RAP1GAP2: variants seen among roughly 807,000 people sequenced by gnomAD.
The protein encoded by RAP1GAP2 is rap1 GTPase-activating protein 2.
In RAP1GAP2, 27 loss-of-function variants were observed where a neutral mutation model predicts 95.0. That is an observed-to-expected ratio of 0.28 (90% CI 0.21 to 0.39). RAP1GAP2 has a LOEUF of 0.39. RAP1GAP2 is among the 10% of genes least tolerant of loss of function. The probability of loss-of-function intolerance (pLI) is 1.00; values close to 1 mark genes in which losing one functional copy is unlikely to be tolerated. For missense variants in RAP1GAP2, 771 were observed against 970.0 expected, an observed-to-expected ratio of 0.79 and a Z score of 2.72; for synonymous variants, 373 against 380.9, an observed-to-expected ratio of 0.98 and a Z score of 0.24.
chr17:2,836,530 G>A (rs12051623), intron 2 of RAP1GAP2, among the ~76,000 whole-genome samples: 84,591 of 151,886 alleles, frequency 0.56, 23,742 homozygotes, highest in Admixed American at 0.61. Context: ...TCCTCAAAAG[G>A]CTGAGGTACG....
At chr17:3,017,719 C>T (rs538185624) in intron 17 of RAP1GAP2, among the ~76,000 whole-genome samples, 1 of 152,150 alleles carries the variant, frequency 6.6e-6, no homozygotes, top group African/African-American at 2.4e-5. Flanking sequence ...ACAGGCTTGG[C>T]GAGCTCCAAG....
chr17:2,920,246 C>T (rs1267845442), intron 3 of RAP1GAP2, among the ~76,000 whole-genome samples: 1 of 152,170 alleles, frequency 6.6e-6, no homozygotes, highest in Non-Finnish European at 1.5e-5. Flanking sequence ...CCCCTTTTCT[C>T]GTCGTGCTCT....
At chr17:2,816,236 G>GTTTT in intron 2 of RAP1GAP2, among the ~76,000 whole-genome samples, 1 of 145,238 alleles carries the variant, frequency 6.9e-6, no homozygotes, top group Non-Finnish European at 1.5e-5. Flanking sequence ...GTTTTGTTTT[G>GTTTT]TTTTTTTTTT....
chr17:2,899,149 C>G (rs1332538068), intron 2 of RAP1GAP2, among the ~76,000 whole-genome samples: 2 of 152,150 alleles, frequency 1.3e-5, no homozygotes, highest in East Asian at 3.8e-4. Flanking sequence ...GTTCTTCATT[C>G]CTTTTCTTTC....
intron 3 of RAP1GAP2, among the ~76,000 whole-genome samples, chr17:2,921,740 A>C (rs796834904): frequency 2.0e-5 from 1 of 50,012 alleles, no homozygotes. Context: ...TGTCAGCAGG[A>C]CCGTTAAGGT....
intron 18 of RAP1GAP2, among the ~76,000 whole-genome samples, chr17:3,019,703 G>A (rs1252324216): frequency 6.6e-6 from 1 of 152,194 alleles, no homozygotes; most frequent in Non-Finnish European, 1.5e-5. Flanking sequence ...GAAGGTGCAT[G>A]GCGTGAGCAG....
chr17:2,875,342 C>T (rs1035924577), intron 2 of RAP1GAP2, among the ~76,000 whole-genome samples: 2 of 152,114 alleles, frequency 1.3e-5, no homozygotes, highest in Admixed American at 6.5e-5. Context: ...GCTGGGATTA[C>T]AGGCATGAGC....
intron 1 of RAP1GAP2, among the ~76,000 whole-genome samples, chr17:2,767,239 G>T (rs952864682): frequency 5.3e-5 from 8 of 151,540 alleles, no homozygotes; most frequent in African/African-American, 1.9e-4. Context: ...ACAGATGCCT[G>T]TAATCCCAGC....
chr17:2,922,832 GTTTTTTT>G (rs1182641512), intron 3 of RAP1GAP2, among the ~76,000 whole-genome samples: 1 of 75,050 alleles, frequency 1.3e-5, no homozygotes, highest in African/African-American at 4.9e-5. Context: ...TTTTGTTTTT[GTTTTTTT>G]TTTTTTTTTT....
Position 2,797,701 on chromosome 17 carries a change from G to A in RAP1GAP2, c.44+1130G>A, listed in dbSNP as rs1052663575. On this transcript the variant is annotated intron_variant, in intron 1 of 24. Transcript: ENST00000254695. This position sits in a 1 kb window ranked among gnomAD's most constrained non-coding sequence, Gnocchi z 5.6. Reference sequence around the variant, plus strand: ...CCATGTTTGGCAGATGGGATGGTGCGGATGAGAAGATGGCACAGCGTCGCC... The same window carrying A: ...CCATGTTTGGCAGATGGGATGGTGCAGATGAGAAGATGGCACAGCGTCGCC... 7.8e-5 allele frequency: 77 copies of A among 985,282 alleles called. No individual in the cohort carries two copies. The highest frequency in any genetic ancestry group is 1.8e-4 in the Admixed American group (3 of 16,264). 61.0% of individuals were successfully genotyped at this position (985,282 alleles called of 1,614,324 possible).
chr17:2,987,203 C>T (rs189317077), intron 11 of RAP1GAP2, among the ~76,000 whole-genome samples: 1 of 152,134 alleles, frequency 6.6e-6, no homozygotes, highest in African/African-American at 2.4e-5. Flanking sequence ...TTCTAGAGTG[C>T]GGTGTTTCCC....
At chr17:2,952,418 C>T (rs1191060554) in intron 3 of RAP1GAP2, among the ~76,000 whole-genome samples, 1 of 152,176 alleles carries the variant, frequency 6.6e-6, no homozygotes, top group African/African-American at 2.4e-5. Context: ...GACAAACATC[C>T]TTGTACATGT....
intron 3 of RAP1GAP2, among the ~76,000 whole-genome samples, chr17:2,941,377 C>T (rs986700991): frequency 9.2e-5 from 14 of 152,080 alleles, no homozygotes; most frequent in African/African-American, 2.9e-4. Flanking sequence ...CGTTGCACTC[C>T]AGCCTGGGCA....
rs889886086 is a variant in RAP1GAP2, at chr17:3,007,089, G to A, written c.1360-922G>A. On this transcript the variant is annotated intron_variant, in intron 16 of 24. Transcript: ENST00000254695. ...TGATCTGGCATGGTAGACAGCATGA[G>A]CAAAGGTCAGGAAGAACCAGAGCCT... Among the ~76,000 whole-genome samples the A allele has an allele frequency of 7.2e-5, 11 of 152,126 alleles. No individual in the cohort carries two copies. In the East Asian group the frequency reaches 7.7e-4, roughly 11 times the overall value.
intron 2 of RAP1GAP2, among the ~76,000 whole-genome samples, chr17:2,884,059 G>A (rs1160544547): frequency 1.3e-5 from 2 of 152,224 alleles, no homozygotes; most frequent in African/African-American, 2.4e-5. Context: ...TTCTGGGCCA[G>A]TCGGGAATCT....
In RAP1GAP2 at chr17:2,903,433, T is replaced by C. The variant is rs968120072; in HGVS notation, c.81-1851T>C. On this transcript the variant is annotated intron_variant, in intron 2 of 24. Transcript: ENST00000254695. The surrounding 1 kb of genome is among the most constrained non-coding windows in gnomAD (Gnocchi z 4.1). ...CGGTGGTAATGTCCAAGGCCGTACA[T>C]AGAAGGAGGCTGGCAGCTCTAGCTG... Among the ~76,000 whole-genome samples, 2 of 152,096 alleles carry C rather than the reference T, an allele frequency of 1.3e-5. No homozygotes were observed. The highest frequency in any genetic ancestry group is 2.4e-5 in the African/African-American group (1 of 41,420).
upstream of RAP1GAP2, among the ~76,000 whole-genome samples, chr17:2,795,910 C>T (rs1440646301): frequency 6.6e-6 from 1 of 152,018 alleles, no homozygotes; most frequent in Non-Finnish European, 1.5e-5. Context: ...GTATCCTGGG[C>T]GTGTGTGTGT....
At chr17:2,856,511 T>C (rs539615139) in intron 2 of RAP1GAP2, among the ~76,000 whole-genome samples, 1 of 152,342 alleles carries the variant, frequency 6.6e-6, no homozygotes, top group Non-Finnish European at 1.5e-5. Flanking sequence ...CCTGAGCCTG[T>C]GCTCCTGGTG....
intron 7 of RAP1GAP2, 72 bp downstream of exon 7, chr17:2,964,140 A>T: frequency 8.2e-7 from 1 of 1,215,486 alleles, no homozygotes; most frequent in Non-Finnish European, 1.1e-6. Flanking sequence ...AGGAGGTACC[A>T]GGCGGTAGGG....
Sources: gnomAD v4.1 joint callset for allele counts (sites outside exome capture counted in the v4.1 genomes callset) on GRCh38, gnomAD v4.1.1 for gene constraint, Gnocchi (gnomAD v3.1) non-coding constraint, MANE v1.5 for transcripts, NCBI Gene and HGNC (gene_info 2026-07-23, HGNC 2026-07-21) for gene names.